The following CENPW variants were observed in gnomAD, a reference collection of about 807,000 sequenced individuals.
The protein encoded by CENPW is cancer-up-regulated gene 2 protein.
A neutral mutation model predicts 11.1 loss-of-function variants in CENPW; 3 were observed. The ratio of observed to expected loss-of-function variants is 0.27; its 90% confidence interval spans 0.12 to 0.70. The LOEUF (loss-of-function observed/expected upper bound fraction) is 0.70, where lower values mean the gene tolerates loss of function less well. CENPW is among the 30% of genes least tolerant of loss of function. CENPW has a pLI of 0.77. For missense variants in CENPW, 100 were observed against 105.6 expected (o/e 0.95, Z 0.23); for synonymous variants, 38 against 42.0 (o/e 0.91, Z 0.37).
At chr6:126,431,005 AAC>A in the CENPW span, among the ~76,000 whole-genome samples, 1 of 152,128 alleles carries the variant, frequency 6.6e-6, no homozygotes, top group Non-Finnish European at 1.5e-5. Context: ...TAAAATAAGA[AAC>A]ACCATATTTT....
At chr6:126,396,281 C>G in the CENPW span, among the ~76,000 whole-genome samples, 1 of 152,096 alleles carries the variant, frequency 6.6e-6, no homozygotes, top group Non-Finnish European at 1.5e-5. Context: ...TCCCATCCCC[C>G]TGCCACCCTG....
At chr6:126,391,500 C>T in the CENPW span, among the ~76,000 whole-genome samples, 1 of 151,820 alleles carries the variant, frequency 6.6e-6, no homozygotes, top group Non-Finnish European at 1.5e-5. Flanking sequence ...TTCATTTTTG[C>T]TTTGGTTAAC....
At chr6:126,392,744 G>T in the CENPW span, among the ~76,000 whole-genome samples, 1 of 151,860 alleles carries the variant, frequency 6.6e-6, no homozygotes, top group African/African-American at 2.4e-5. Flanking sequence ...AGGGATATTA[G>T]CTTCTAGTAT....
chr6:126,368,174 G>A, the CENPW span, among the ~76,000 whole-genome samples: 3 of 152,160 alleles, frequency 2.0e-5, no homozygotes, highest in Non-Finnish European at 4.4e-5. Flanking sequence ...TGCATATCCA[G>A]GTATCACCTT....
At position 126,346,275 on chromosome 6, in the gene CENPW, A is replaced by T; in HGVS notation, c.197A>T (p.Lys66Ile). ...EESRTNACAS[K>I]CRVINKEHVL... ...TCCAGGACAAACGCTTGTGCGAGTA[A>T]ATGTAGAGTCATTAACAAGGAGCAT... Residue 66 changes from lysine to isoleucine, a missense_variant, in exon 2 of 3, where the codon AAA (lysine) becomes ATA (isoleucine). By Grantham distance (102) the Lys-to-Ile change is moderately radical. Transcript: ENST00000368328. 1 of 1,608,420 alleles carries T rather than the reference A, an allele frequency of 6.2e-7. No homozygotes were observed. The highest frequency in any genetic ancestry group is 2.2e-5 in the East Asian group (1 of 44,772).
the CENPW span, among the ~76,000 whole-genome samples, chr6:126,355,712 C>T: frequency 6.6e-6 from 1 of 152,122 alleles, no homozygotes; most frequent in Non-Finnish European, 1.5e-5. Flanking sequence ...TGGCAATTAA[C>T]TAATCTGTCC....
chr6:126,349,633 AGTTT>A (rs1344427593), downstream of CENPW, among the ~76,000 whole-genome samples: 1 of 152,058 alleles, frequency 6.6e-6, no homozygotes, highest in Non-Finnish European at 1.5e-5. Context: ...ATGTATCAAT[AGTTT>A]GTTCCGTTTT....
At chr6:126,465,502 T>C in the CENPW span, among the ~76,000 whole-genome samples, 1 of 152,136 alleles carries the variant, frequency 6.6e-6, no homozygotes, top group African/African-American at 2.4e-5. Context: ...CTGGCATTTT[T>C]TCGTGTTTAG....
chr6:126,473,473 G>A, the CENPW span, among the ~76,000 whole-genome samples: 9 of 151,998 alleles, frequency 5.9e-5, no homozygotes, highest in East Asian at 5.8e-4. Context: ...GACTCATTCC[G>A]GTAATCTCAG....
the CENPW span, among the ~76,000 whole-genome samples, chr6:126,474,620 A>G: frequency 1.4e-4 from 21 of 152,176 alleles, no homozygotes; most frequent in Non-Finnish European, 2.5e-4. Flanking sequence ...AGCCACTATC[A>G]TTCTTAAATT....
the CENPW span, among the ~76,000 whole-genome samples, chr6:126,417,656 CT>C: frequency 6.6e-6 from 1 of 152,136 alleles, no homozygotes; most frequent in South Asian, 2.1e-4. Context: ...CTCTCTTTGC[CT>C]GCTGCCATCC....
At chr6:126,418,935 G>A in the CENPW span, among the ~76,000 whole-genome samples, 1 of 120,834 alleles carries the variant, frequency 8.3e-6, no homozygotes, top group Non-Finnish European at 1.7e-5. Context: ...CTGTTGTGGG[G>A]TGGGGGGAGG....
chr6:126,358,433 T>C, the CENPW span, among the ~76,000 whole-genome samples: 1 of 152,210 alleles, frequency 6.6e-6, no homozygotes, highest in Non-Finnish European at 1.5e-5. Flanking sequence ...TTGGATTTTA[T>C]TGAAAGCTTT....
chr6:126,353,995 GTTTC>G, the CENPW span, among the ~76,000 whole-genome samples: 16 of 150,356 alleles, frequency 1.1e-4, no homozygotes, highest in African/African-American at 3.9e-4. Context: ...TCTTTTTCTT[GTTTC>G]TTAGACATAT....
the CENPW span, among the ~76,000 whole-genome samples, chr6:126,378,071 C>T: frequency 6.6e-6 from 1 of 152,184 alleles, no homozygotes; most frequent in African/African-American, 2.4e-5. Flanking sequence ...TTGACTTTAG[C>T]ACCCTCAGGG....
the CENPW span, among the ~76,000 whole-genome samples, chr6:126,468,324 G>C: frequency 6.7e-6 from 1 of 149,648 alleles, no homozygotes; most frequent in Non-Finnish European, 1.5e-5. Context: ...GGAAGCTGAG[G>C]CCGGAGAATC....
chr6:126,391,670 G>A, the CENPW span, among the ~76,000 whole-genome samples: 17 of 152,032 alleles, frequency 1.1e-4, no homozygotes, highest in South Asian at 2.9e-3. Context: ...TAGGAGGCTA[G>A]TTTCATTCTT....
chr6:126,402,481 A>G, the CENPW span, among the ~76,000 whole-genome samples: 1 of 151,820 alleles, frequency 6.6e-6, no homozygotes, highest in African/African-American at 2.4e-5. Context: ...TAAACCCCTT[A>G]CCCATTAGCA....
chr6:126,474,550 A>G, the CENPW span, among the ~76,000 whole-genome samples: 2 of 152,164 alleles, frequency 1.3e-5, no homozygotes, highest in Non-Finnish European at 2.9e-5. Flanking sequence ...GGGCCAGTGG[A>G]AAGTTTTCAT....
Sources: allele counts gnomAD v4.1 joint callset (sites outside exome capture counted in the v4.1 genomes callset), GRCh38; gene constraint gnomAD v4.1.1; transcripts MANE v1.5; gene names NCBI Gene and HGNC (gene_info 2026-07-23, HGNC 2026-07-21).